The following NOX4 variants were observed in gnomAD, a reference collection of about 807,000 sequenced individuals.
NOX4 encodes NADPH oxidase 4, also known as kidney oxidase-1.
NOX4 carries 69 observed loss-of-function variants against 87.6 expected under a neutral mutation model. The ratio of observed to expected loss-of-function variants is 0.79; its 90% CI spans 0.65 to 0.96. NOX4 has a LOEUF of 0.96. NOX4 is among the 40% of genes least tolerant of loss of function. The pLI is 0.00. For missense variants in NOX4, 680 were observed against 681.5 expected, an observed-to-expected ratio of 1.00 and a Z score of 0.02; for synonymous variants, 275 against 238.2, an observed-to-expected ratio of 1.15 and a Z score of -1.42.
intron 17 of NOX4, among the ~76,000 whole-genome samples, chr11:89,330,373 A>T (rs1463901265): frequency 6.6e-6 from 1 of 152,010 alleles, no homozygotes; most frequent in Non-Finnish European, 1.5e-5. Context: ...AAACATAAAC[A>T]TAAAAAATAA....
At chr11:89,482,197 C>A (rs1304732140) in intron 2 of NOX4, among the ~76,000 whole-genome samples, 1 of 151,938 alleles carries the variant, frequency 6.6e-6, no homozygotes, top group African/African-American at 2.4e-5. Flanking sequence ...CTAAAAAGGC[C>A]TGGGAAGGAC....
the NOX4 span, among the ~76,000 whole-genome samples, chr11:89,531,333 CTT>C: frequency 6.6e-6 from 1 of 152,150 alleles, no homozygotes; most frequent in Non-Finnish European, 1.5e-5. Context: ...GACTGAACCT[CTT>C]TCTAAGCAAC....
chr11:89,492,600 T>C (rs1946886538), upstream of NOX4, among the ~76,000 whole-genome samples: 1 of 152,242 alleles, frequency 6.6e-6, no homozygotes, highest in South Asian at 2.1e-4. Flanking sequence ...TCTAATAGCC[T>C]GTTTTTCCTG....
the NOX4 span, among the ~76,000 whole-genome samples, chr11:89,530,881 G>A: frequency 2.6e-5 from 4 of 152,132 alleles, no homozygotes; most frequent in East Asian, 3.9e-4. Flanking sequence ...AAGCTAAACC[G>A]TAGAGAAAAT....
the NOX4 span, among the ~76,000 whole-genome samples, chr11:89,553,595 C>CTA: frequency 6.6e-6 from 1 of 151,832 alleles, no homozygotes; most frequent in East Asian, 1.9e-4. Context: ...GAAATCTTTC[C>CTA]TATAAAAGTA....
At chr11:89,410,410 G>A (rs1942412156) in intron 8 of NOX4, among the ~76,000 whole-genome samples, 1 of 152,184 alleles carries the variant, frequency 6.6e-6, no homozygotes, top group African/African-American at 2.4e-5. Flanking sequence ...ACTAATTAAT[G>A]CAATTCAGCT....
chr11:89,488,344 C>G (rs1946712767), intron 2 of NOX4, among the ~76,000 whole-genome samples: 1 of 151,612 alleles, frequency 6.6e-6, no homozygotes, highest in African/African-American at 2.4e-5. Flanking sequence ...ATTACCCTGT[C>G]TGTTATTCAA....
At chr11:89,536,358 G>T in the NOX4 span, among the ~76,000 whole-genome samples, 1 of 151,840 alleles carries the variant, frequency 6.6e-6, no homozygotes, top group African/African-American at 2.4e-5. Flanking sequence ...ATGTTAGCCA[G>T]GATGGTCTCG....
intron 17 of NOX4, among the ~76,000 whole-genome samples, chr11:89,332,259 T>G (rs1161999389): frequency 1.3e-5 from 2 of 151,804 alleles, no homozygotes; most frequent in African/African-American, 4.8e-5. Flanking sequence ...TAAACCTAGT[T>G]ATTCTTAAAT....
intron 11 of NOX4, among the ~76,000 whole-genome samples, chr11:89,397,089 G>A (rs1302840983): frequency 6.6e-6 from 1 of 152,130 alleles, no homozygotes; most frequent in Non-Finnish European, 1.5e-5. Flanking sequence ...CTCAGGAAAT[G>A]TATAAGAAGA....
At chr11:89,374,720 G>A (rs575663558) in intron 11 of NOX4, among the ~76,000 whole-genome samples, 27 of 152,192 alleles carry the variant, frequency 1.8e-4, no homozygotes, top group African/African-American at 3.9e-4. Context: ...GAAATCAAAC[G>A]AAATAGGAGG....
At chr11:89,437,455 T>C (rs1944134921) in intron 6 of NOX4, among the ~76,000 whole-genome samples, 1 of 152,150 alleles carries the variant, frequency 6.6e-6, no homozygotes, top group Non-Finnish European at 1.5e-5. Flanking sequence ...GACAAACAGA[T>C]GCCTTAGGAG....
In NOX4 at chr11:89,362,476, T is replaced by A. The variant is rs913842275; in HGVS notation, c.1136-7433A>T. ...CTTGATCATGCCCACCTTGACTCTA[T>A]CAGTTAAGTATTGCCTGTTGGCTCC... On this transcript the variant is annotated intron_variant, in intron 12 of 17. Coordinates refer to ENST00000263317, the MANE Select transcript of NOX4 (RefSeq NM_016931.5). Among the ~76,000 whole-genome samples, 3 of 152,206 alleles carry A rather than the reference T, an allele frequency of 2.0e-5. No individual in the cohort carries two copies. In the East Asian group the frequency reaches 5.8e-4, roughly 29 times the overall value.
At chr11:89,412,981 A>G (rs1942561580) in intron 8 of NOX4, among the ~76,000 whole-genome samples, 1 of 151,776 alleles carries the variant, frequency 6.6e-6, no homozygotes, top group Non-Finnish European at 1.5e-5. Flanking sequence ...TAGTTATGTA[A>G]GAAAAAAATC....
intron 2 of NOX4, among the ~76,000 whole-genome samples, chr11:89,455,931 G>A (rs1264530227): frequency 6.6e-6 from 1 of 151,894 alleles, no homozygotes; most frequent in African/African-American, 2.4e-5. Flanking sequence ...AGTGGGAAGT[G>A]GGGAGATGAA....
chr11:89,563,181 T>C, the NOX4 span, among the ~76,000 whole-genome samples: 2 of 152,236 alleles, frequency 1.3e-5, no homozygotes, highest in Non-Finnish European at 2.9e-5. Context: ...AATGGACTAA[T>C]ACATAATAAT....
chr11:89,567,602 G>C, the NOX4 span, among the ~76,000 whole-genome samples: 3 of 152,262 alleles, frequency 2.0e-5, no homozygotes, highest in East Asian at 5.8e-4. Flanking sequence ...TGAGTGCAGA[G>C]GGAAGGGGGA....
At chr11:89,458,812 C>T (rs906805651) in intron 2 of NOX4, among the ~76,000 whole-genome samples, 17 of 152,098 alleles carry the variant, frequency 1.1e-4, no homozygotes, top group Non-Finnish European at 1.9e-4. Context: ...TAACAGATTC[C>T]GGGAAGGTTG....
chr11:89,497,269 A>T (rs768005917), intron 1 of NOX4, among the ~76,000 whole-genome samples: 57 of 152,184 alleles, frequency 3.7e-4, no homozygotes, highest in Admixed American at 8.5e-4. Context: ...TAATTCCTGT[A>T]TGTGTGTGAA....
Sources: allele counts gnomAD v4.1 joint callset (sites outside exome capture counted in the v4.1 genomes callset), GRCh38; gene constraint gnomAD v4.1.1; transcripts MANE v1.5; gene names NCBI Gene and HGNC (gene_info 2026-07-23, HGNC 2026-07-21).